BACE1: variants seen among roughly 807,000 people sequenced by gnomAD.
The protein encoded by BACE1 is beta-secretase 1, also known as APP beta-secretase.
Under a neutral mutation model 54.0 loss-of-function variants are expected in BACE1, and 21 were observed. The ratio of observed to expected loss-of-function variants is 0.39; its 90% CI spans 0.28 to 0.56. BACE1 has a LOEUF of 0.56. Ranked by LOEUF, BACE1 falls within the 20% of genes least tolerant of loss-of-function variation. BACE1 has a pLI of 0.63. For missense variants in BACE1, 511 were observed against 661.2 expected, an observed-to-expected ratio of 0.77 and a Z score of 2.49; for synonymous variants, 232 against 260.9, an observed-to-expected ratio of 0.89 and a Z score of 1.07.
Position 117,293,264 on chromosome 11 carries a change from A to G in BACE1, c.706-76T>C, listed in dbSNP as rs576088498. The G allele has an allele frequency of 6.6e-7, 1 of 1,514,760 alleles. No individual in the cohort carries two copies. The highest frequency in any genetic ancestry group is 2.0e-5 in the Admixed American group (1 of 49,676). The allele number at this position is 1,514,760 out of a possible 1,614,324, so 93.8% of individuals were successfully genotyped here. A position where few individuals can be genotyped will look rare whatever the true frequency, so the allele number is the denominator to read the frequency against. ...AGTCCCCCAAGGACCAAGCAATAAG[A>G]TCAGTGATTTCTTGGGGTGGCAAGG... On this transcript the variant is annotated intron_variant, in intron 4 of 8. Coordinates refer to ENST00000313005, the MANE Select transcript of BACE1 (RefSeq NM_012104.6). The surrounding 1 kb of genome is among the most constrained non-coding windows in gnomAD (Gnocchi z 4.1).
At chr11:117,311,880 C>A (rs2034950148) in intron 1 of BACE1, among the ~76,000 whole-genome samples, 1 of 152,158 alleles carries the variant, frequency 6.6e-6, no homozygotes, top group Non-Finnish European at 1.5e-5. Flanking sequence ...ACCTTGTGAT[C>A]CACCTGCCTT....
At chr11:117,295,675 A>C in intron 2 of BACE1, 3 of 1,517,492 alleles carry the variant, frequency 2.0e-6, no homozygotes, top group Non-Finnish European at 2.6e-6. Flanking sequence ...GCTAGTGGGC[A>C]TCTCTTCCGC....
At position 117,315,810 on chromosome 11, in the gene BACE1, T is replaced by C; in HGVS notation, c.-15A>G. 7.2e-7 allele frequency: 1 copy of C among 1,395,684 alleles called. No individual in the cohort carries two copies. Among genetic ancestry groups the C allele is most frequent in the Non-Finnish European group, 9.2e-7 (1 of 1,084,062 alleles). The allele number at this position is 1,395,684 out of a possible 1,614,324, so 86.5% of individuals were successfully genotyped here. On this transcript the variant is annotated 5_prime_UTR_variant, in exon 1 of 9. Coordinates refer to ENST00000313005, the MANE Select transcript of BACE1 (RefSeq NM_012104.6). The surrounding 1 kb of genome is among the most constrained non-coding windows in gnomAD (Gnocchi z 5.5). ...GCTTGGGCCATGGTGGGCCCCGGCC[T>C]TCGGGCCCTCTGGGCTCGCACTGGC... is the stretch of plus-strand genomic sequence containing the variant.
At position 117,315,892 on chromosome 11, in the gene BACE1, G is replaced by A. The variant is rs929690726; in HGVS notation, c.-97C>T. 5 of 1,322,730 alleles carry A rather than the reference G, an allele frequency of 3.8e-6. No individual in the cohort carries two copies. The African/African-American group carries it at 7.8e-5, about 21-fold the overall frequency. 81.9% of individuals were successfully genotyped at this position (1,322,730 alleles called of 1,614,324 possible). A position where few individuals can be genotyped will look rare whatever the true frequency, so the allele number is the denominator to read the frequency against. On this transcript the variant is annotated 5_prime_UTR_variant, in exon 1 of 9. Transcript: ENST00000313005. This position sits in a 1 kb window ranked among gnomAD's most constrained non-coding sequence, Gnocchi z 5.5. Reference sequence around the variant, plus strand: ...CTGGGTGGTGCTGGTGGCTTCTCAGGAGAGGGAGCTTGGGGGCATCAGGAC... The same window carrying A: ...CTGGGTGGTGCTGGTGGCTTCTCAGAAGAGGGAGCTTGGGGGCATCAGGAC...
At chr11:117,313,634 TG>T (rs1250178497) in intron 1 of BACE1, among the ~76,000 whole-genome samples, 1 of 152,092 alleles carries the variant, frequency 6.6e-6, no homozygotes, top group Non-Finnish European at 1.5e-5. Flanking sequence ...AACAGGGTTT[TG>T]CTATGTTAGC....
chr11:117,310,938 C>T (rs191710767), intron 1 of BACE1, among the ~76,000 whole-genome samples: 1 of 151,818 alleles, frequency 6.6e-6, no homozygotes, highest in African/African-American at 2.4e-5. Flanking sequence ...ACCTTTCAAC[C>T]CCATTTCTTC....
In BACE1 at chr11:117,289,560, G is replaced by A; in HGVS notation, c.*6C>T. 1 of 1,613,866 alleles carries A rather than the reference G, an allele frequency of 6.2e-7. No individual in the cohort carries two copies. Among genetic ancestry groups the A allele is most frequent in the Non-Finnish European group, 8.5e-7 (1 of 1,179,914 alleles). On this transcript the variant is annotated 3_prime_UTR_variant, in exon 9 of 9. Coordinates refer to ENST00000313005, the MANE Select transcript of BACE1 (RefSeq NM_012104.6). ...GGGAATCTCTATCTTCTGCCCATGG[G>A]CCTCCTCACTTCAGCAGGGAGATGT... is the stretch of plus-strand genomic sequence containing the variant.
chr11:117,285,903 G>C lies in BACE1; in HGVS notation c.*3663C>G, dbSNP rs943051346. On this transcript the variant is annotated 3_prime_UTR_variant, in exon 9 of 9. Transcript: ENST00000313005. ...TAGCACAACCCACAGGTTTTTCCTGGGCCAAGTCTTCCTTTGCTGCCACTG... is the reference window on the plus strand; with the variant it reads ...TAGCACAACCCACAGGTTTTTCCTGCGCCAAGTCTTCCTTTGCTGCCACTG... 6.6e-6 allele frequency: 1 copy of C among 152,470 alleles called. No homozygotes were observed. The highest frequency in any genetic ancestry group is 2.4e-5 in the African/African-American group (1 of 41,378). The allele number at this position is 152,470 out of a possible 1,614,324, so 9.4% of individuals were successfully genotyped here. A position where few individuals can be genotyped will look rare whatever the true frequency, so the allele number is the denominator to read the frequency against.
chr11:117,295,593 G>C (rs2034579160), intron 2 of BACE1: 4 of 1,535,622 alleles, frequency 2.6e-6, no homozygotes, highest in Non-Finnish European at 1.7e-6. Context: ...CCTAGATCTT[G>C]AGCTCAGGCC....
chr11:117,315,680 A>AG lies in BACE1; in HGVS notation c.115dup (p.Leu39ProfsTer60). 1.3e-6 allele frequency: 2 copies of AG among 1,528,696 alleles called. No individual in the cohort carries two copies. Among genetic ancestry groups the AG allele is most frequent in the East Asian group, 2.6e-5 (1 of 37,770 alleles). The allele number at this position is 1,528,696 out of a possible 1,614,324, so 94.7% of individuals were successfully genotyped here. ...GGTCTCCCGGGGCAGCCGCAGCCCCAGGGGGGCGCCCCCCAGGCCGCTGCG... is the reference window on the plus strand; with the variant it reads ...GGTCTCCCGGGGCAGCCGCAGCCCCAGGGGGGGCGCCCCCCAGGCCGCTGCG... On this transcript the variant is annotated frameshift_variant, in exon 1 of 9. Coordinates refer to ENST00000313005, the MANE Select transcript of BACE1 (RefSeq NM_012104.6). LOFTEE classifies it high-confidence loss of function. This position sits in a 1 kb window ranked among gnomAD's most constrained non-coding sequence, Gnocchi z 5.5.
chr11:117,292,876 C>G, intron 5 of BACE1, 178 bp downstream of exon 5: 1 of 686,434 alleles, frequency 1.5e-6, no homozygotes, highest in East Asian at 3.0e-5. Context: ...CCCTAGGCCC[C>G]AAACCGCAGA....
intron 1 of BACE1, chr11:117,314,492 T>C (rs1176001543): frequency 6.6e-6 from 1 of 152,182 alleles, no homozygotes; most frequent in East Asian, 1.9e-4. Context: ...CACTCCCACC[T>C]TCACAGACCC....
At chr11:117,298,548 C>A (rs562425901) in intron 1 of BACE1, among the ~76,000 whole-genome samples, 20 of 152,310 alleles carry the variant, frequency 1.3e-4, no homozygotes, top group Admixed American at 3.3e-4. Context: ...ATTCTAGGAG[C>A]TGTACTGGTC....
chr11:117,295,319 C>T lies in BACE1; in HGVS notation c.379G>A (p.Gly127Ser), dbSNP rs1220408195. ...LSSTYRDLRK[G>S]VYVPYTQGKW... ...CCCTGGGTGTAGGGCACATACACAC[C>T]CTTCCGGAGGTCCCGGTATGTGCTG... The change falls in exon 3 of 9, where the codon GGT (glycine) becomes AGT (serine). Residue 127 changes from glycine (G) to serine (S), a missense_variant. Gly to Ser is a moderately conservative substitution (Grantham distance 56, BLOSUM62 0). This residue lies in a region of BACE1 where 407 missense variants were observed against 565.7 expected (regional missense o/e 0.72). Coordinates refer to ENST00000313005, the MANE Select transcript of BACE1 (RefSeq NM_012104.6). 6.2e-7 allele frequency: 1 copy of T among 1,613,824 alleles called. No individual in the cohort carries two copies. The highest frequency in any genetic ancestry group is 8.5e-7 in the Non-Finnish European group (1 of 1,179,838).
rs1169103790 is a variant in BACE1, at chr11:117,287,457, T to TA, written c.*2108dup. ...TGTTGTTAAGACTTTTTTTTACACT[T>TA]AGAGTTTATAATTTTGGGGCAGGAA... On this transcript the variant is annotated 3_prime_UTR_variant, in exon 9 of 9. Coordinates refer to ENST00000313005, the MANE Select transcript of BACE1 (RefSeq NM_012104.6). 1 of 152,650 alleles carries TA rather than the reference T, an allele frequency of 6.6e-6. No homozygotes were observed. The highest frequency in any genetic ancestry group is 1.5e-5 in the Non-Finnish European group (1 of 68,026). The allele number at this position is 152,650 out of a possible 1,614,324, so 9.5% of individuals were successfully genotyped here. A position where few individuals can be genotyped will look rare whatever the true frequency, so the allele number is the denominator to read the frequency against.
intron 1 of BACE1, among the ~76,000 whole-genome samples, chr11:117,303,853 T>C (rs1036163802): frequency 6.6e-6 from 1 of 152,178 alleles, no homozygotes; most frequent in Admixed American, 6.5e-5. Context: ...AAAGTTGAGA[T>C]TTAGAAGCCT....
rs1384407293 is a variant in BACE1, at chr11:117,289,444, G to A, written c.*122C>T. 14 of 1,453,466 alleles carry A rather than the reference G, an allele frequency of 9.6e-6. No homozygotes were observed. The Admixed American group carries it at 9.8e-5, about 10-fold the overall frequency. 90.0% of individuals were successfully genotyped at this position (1,453,466 alleles called of 1,614,324 possible). A position where few individuals can be genotyped will look rare whatever the true frequency, so the allele number is the denominator to read the frequency against. On this transcript the variant is annotated 3_prime_UTR_variant, in exon 9 of 9. Coordinates refer to ENST00000313005, the MANE Select transcript of BACE1 (RefSeq NM_012104.6). The stretch of plus-strand genomic sequence containing the variant: ...TTCTCCATCAAGGCAGAGGCATTTG[G>A]TGGGTGGGGAGGGTCCTGAGGTGCT...
chr11:117,301,852 C>A (rs1397558559), intron 1 of BACE1, among the ~76,000 whole-genome samples: 4 of 152,216 alleles, frequency 2.6e-5, no homozygotes, highest in Admixed American at 6.5e-5. Context: ...TTCCTTATTT[C>A]TTTTGCTGTC....
chr11:117,292,855 TC>T, intron 5 of BACE1, 198 bp downstream of exon 5: 1 of 558,486 alleles, frequency 1.8e-6, no homozygotes, highest in East Asian at 3.4e-5. Context: ...GTTTTTTTTT[TC>T]ACTACCAGTC....
Sources: gnomAD v4.1 joint callset for allele counts (sites outside exome capture counted in the v4.1 genomes callset) on GRCh38, gnomAD v4.1.1 for gene constraint, gnomAD v4.1.1 regional missense constraint, Gnocchi (gnomAD v3.1) non-coding constraint, MANE v1.5 for transcripts, NCBI Gene and HGNC (gene_info 2026-07-23, HGNC 2026-07-21) for gene names.